INSYN2B: variants seen among roughly 807,000 people sequenced by gnomAD.
INSYN2B encodes protein INSYN2B.
In INSYN2B, 16 loss-of-function variants were observed where a neutral mutation model predicts 41.2. The observed-to-expected ratio is 0.39, with a 90% confidence interval of 0.26 to 0.59. The LOEUF is 0.59. INSYN2B is among the 20% of genes least tolerant of loss of function. INSYN2B has a pLI of 0.57. For missense variants in INSYN2B, 608 were observed against 646.4 expected (o/e 0.94, Z 0.64); for synonymous variants, 245 against 244.4 (o/e 1.00, Z -0.02).
intron 1 of INSYN2B, among the ~76,000 whole-genome samples, chr5:169,947,206 TA>T (rs1337608776): frequency 2.9e-4 from 44 of 152,350 alleles, no homozygotes; most frequent in African/African-American, 1.0e-3. Flanking sequence ...AGCAGTCTGA[TA>T]GGGGAAGCTG....
At chr5:169,924,280 C>T (rs1775324833) in intron 1 of INSYN2B, among the ~76,000 whole-genome samples, 1 of 152,200 alleles carries the variant, frequency 6.6e-6, no homozygotes, top group African/African-American at 2.4e-5. Context: ...CAAGAGACAT[C>T]AAGCTTCAAA....
At chr5:169,945,842 C>A (rs1776428454) in intron 1 of INSYN2B, among the ~76,000 whole-genome samples, 1 of 152,210 alleles carries the variant, frequency 6.6e-6, no homozygotes, top group South Asian at 2.1e-4. Flanking sequence ...CTTTGTGCAG[C>A]CTGATTTTTC....
chr5:169,864,806 A>T (rs1188267526), intron 3 of INSYN2B, among the ~76,000 whole-genome samples: 5 of 152,220 alleles, frequency 3.3e-5, no homozygotes, highest in African/African-American at 1.2e-4. Context: ...TTATTAAAAA[A>T]TTGAGATAAT....
At chr5:169,881,113 G>T (rs1347704448) in intron 3 of INSYN2B, among the ~76,000 whole-genome samples, 1 of 152,158 alleles carries the variant, frequency 6.6e-6, no homozygotes, top group African/African-American at 2.4e-5. Flanking sequence ...ATGCAAATGT[G>T]CATGCCAAGC....
intron 1 of INSYN2B, among the ~76,000 whole-genome samples, chr5:169,899,026 G>T (rs745974271): frequency 6.6e-6 from 1 of 152,180 alleles, no homozygotes; most frequent in Non-Finnish European, 1.5e-5. Flanking sequence ...CTGGTGAATG[G>T]TGTTTGCTCT....
At chr5:169,881,297 G>A in intron 3 of INSYN2B, 71 bp downstream of exon 3, 1 of 1,291,128 alleles carries the variant, frequency 7.7e-7, no homozygotes, top group Admixed American at 2.2e-5. Context: ...GCATTTAAAA[G>A]TTTGCTAGAG....
At chr5:169,964,425 G>A (rs952448072) in intron 1 of INSYN2B, among the ~76,000 whole-genome samples, 2 of 152,244 alleles carry the variant, frequency 1.3e-5, no homozygotes, top group Non-Finnish European at 2.9e-5. Flanking sequence ...AAATGTTCAA[G>A]CAGCAGGAGA....
At chr5:169,955,830 C>A (rs191320528) in intron 1 of INSYN2B, among the ~76,000 whole-genome samples, 1 of 152,170 alleles carries the variant, frequency 6.6e-6, no homozygotes. Flanking sequence ...GAGGCTCCAT[C>A]GATTCAGTTC....
intron 1 of INSYN2B, among the ~76,000 whole-genome samples, chr5:169,893,511 G>T (rs1270460964): frequency 1.5e-5 from 2 of 131,996 alleles, no homozygotes; most frequent in Non-Finnish European, 1.6e-5. Context: ...ACCACTTTTT[G>T]ACTTTAAATA....
chr5:169,942,542 C>A (rs2113708129), intron 1 of INSYN2B, among the ~76,000 whole-genome samples: 1 of 152,340 alleles, frequency 6.6e-6, no homozygotes, highest in Non-Finnish European at 1.5e-5. Flanking sequence ...CCATATTTTA[C>A]AGAAAATTGT....
At chr5:169,917,415 G>C (rs1425972767) in intron 1 of INSYN2B, among the ~76,000 whole-genome samples, 1 of 152,142 alleles carries the variant, frequency 6.6e-6, no homozygotes. Context: ...AGGGATTCTA[G>C]AGTTTCCTTT....
intron 1 of INSYN2B, among the ~76,000 whole-genome samples, chr5:169,944,906 C>T: frequency 6.6e-6 from 1 of 152,208 alleles, no homozygotes. Flanking sequence ...TTTCCTTGCC[C>T]TGTCTCTTGT....
At chr5:169,878,190 G>A (rs1426929210) in intron 3 of INSYN2B, among the ~76,000 whole-genome samples, 1 of 152,158 alleles carries the variant, frequency 6.6e-6, no homozygotes, top group Admixed American at 6.5e-5. Context: ...GTGGCTTAGA[G>A]GGACCTCGTG....
At chr5:169,872,005 A>G (rs1772008979) in intron 3 of INSYN2B, among the ~76,000 whole-genome samples, 1 of 152,242 alleles carries the variant, frequency 6.6e-6, no homozygotes, top group Non-Finnish European at 1.5e-5. Context: ...CCTTCTCAGC[A>G]GTGGGTCCTG....
At position 169,898,332 on chromosome 5, in the gene INSYN2B, TG is replaced by T. The variant is rs1234715308; in HGVS notation, c.-918-13517del. ...CATGTGATTGGTGCCTGCACAGTGTTGGGCCCACAGCAGCCAGGTGTACTGT... is the reference window on the plus strand; with the variant it reads ...CATGTGATTGGTGCCTGCACAGTGTTGGCCCACAGCAGCCAGGTGTACTGT... On this transcript the variant is annotated intron_variant, in intron 1 of 3. Coordinates refer to ENST00000377365, the MANE Select transcript of INSYN2B (RefSeq NM_001129891.3). Among the ~76,000 whole-genome samples the T allele has an allele frequency of 4.6e-5, 7 of 152,330 alleles. No individual in the cohort carries two copies. In the South Asian group the frequency reaches 6.2e-4, roughly 14 times the overall value.
chr5:169,867,524 A>G (rs771270579), intron 3 of INSYN2B, among the ~76,000 whole-genome samples: 1 of 150,860 alleles, frequency 6.6e-6, no homozygotes, highest in Admixed American at 6.6e-5. Context: ...TCTATCTATC[A>G]TCTATCATCT....
chr5:169,900,813 T>C (rs1773880297), intron 1 of INSYN2B, among the ~76,000 whole-genome samples: 1 of 152,070 alleles, frequency 6.6e-6, no homozygotes, highest in African/African-American at 2.4e-5. Flanking sequence ...AAATATTTCC[T>C]CCTATTACCA....
chr5:169,882,528 TA>T, intron 2 of INSYN2B, 24 bp downstream of exon 2: 6 of 1,515,754 alleles, frequency 4.0e-6, no homozygotes, highest in Non-Finnish European at 5.3e-6. Context: ...CAGTCATTTT[TA>T]ATATGAAAAA....
At chr5:169,915,344 T>A (rs923975187) in intron 1 of INSYN2B, among the ~76,000 whole-genome samples, 17 of 152,172 alleles carry the variant, frequency 1.1e-4, no homozygotes, top group Non-Finnish European at 2.5e-4. Context: ...AAAGCACCAG[T>A]AAGCACTAAT....
Sources: allele counts gnomAD v4.1 joint callset (sites outside exome capture counted in the v4.1 genomes callset), GRCh38; gene constraint gnomAD v4.1.1; transcripts MANE v1.5; gene names NCBI Gene and HGNC (gene_info 2026-07-23, HGNC 2026-07-21).